The following CSMD1 variants were observed in gnomAD, a reference collection of about 807,000 sequenced individuals.
The protein encoded by CSMD1 is CUB and sushi domain-containing protein 1.
In CSMD1, 213 loss-of-function variants were observed where a neutral mutation model predicts 417.5. The observed-to-expected ratio is 0.51, with a 90% CI of 0.46 to 0.57. The LOEUF (loss-of-function observed/expected upper bound fraction) is 0.57. Among genes scored for constraint, CSMD1 ranks in the 20% least tolerant of loss-of-function variants. The probability of loss-of-function intolerance (pLI) is 0.00; values close to 1 mark genes in which losing one functional copy is unlikely to be tolerated. For synonymous variants in CSMD1, 2,862 were observed against 1,736.8 expected (o/e 1.65, Z -16.11); for missense variants, 6,923 against 4,529.7 (o/e 1.53, Z -15.17).
At chr8:4,980,645 G>T (rs1584948339) in intron 1 of CSMD1, among the ~76,000 whole-genome samples, 2 of 152,338 alleles carry the variant, frequency 1.3e-5, no homozygotes, top group Middle Eastern at 3.4e-3. Context: ...GCTCACGCCT[G>T]TAATCCTAGC....
chr8:3,054,655 A>T (rs939962211), intron 49 of CSMD1, among the ~76,000 whole-genome samples: 3 of 152,110 alleles, frequency 2.0e-5, no homozygotes, highest in African/African-American at 7.2e-5. Flanking sequence ...GTGTGTGTGC[A>T]CATGCATATT....
At chr8:4,319,971 G>C (rs34470235) in intron 3 of CSMD1, among the ~76,000 whole-genome samples, 3 of 152,006 alleles carry the variant, frequency 2.0e-5, no homozygotes, top group East Asian at 1.9e-4. Flanking sequence ...TTTACAGGCA[G>C]AGTGGAAAAA....
intron 1 of CSMD1, among the ~76,000 whole-genome samples, chr8:4,696,689 T>C (rs74837617): frequency 0.015 from 2,229 of 152,300 alleles, 60 homozygotes; most frequent in East Asian, 0.13. Context: ...AGAGAAGGTA[T>C]GACCCATGAA....
At chr8:3,542,148 G>T (rs2116712942) in intron 10 of CSMD1, among the ~76,000 whole-genome samples, 1 of 152,192 alleles carries the variant, frequency 6.6e-6, no homozygotes, top group African/African-American at 2.4e-5. Context: ...TCCCTTTAAA[G>T]TTACATTATT....
At chr8:3,877,926 C>T (rs933099020) in intron 5 of CSMD1, among the ~76,000 whole-genome samples, 1 of 151,532 alleles carries the variant, frequency 6.6e-6, no homozygotes, top group Non-Finnish European at 1.5e-5. Context: ...AGGTCGTGGC[C>T]ATGACCTAAA....
chr8:2,960,552 A>G (rs549667296), intron 62 of CSMD1, among the ~76,000 whole-genome samples: 1 of 152,348 alleles, frequency 6.6e-6, no homozygotes, highest in Admixed American at 6.5e-5. Context: ...GTATTTCTCC[A>G]ACGTTCACTG....
At chr8:3,233,360 G>T (rs932866336) in intron 26 of CSMD1, among the ~76,000 whole-genome samples, 1 of 152,216 alleles carries the variant, frequency 6.6e-6, no homozygotes, top group Admixed American at 6.5e-5. Flanking sequence ...GCCTGCACAC[G>T]TTAGGACTCC....
intron 1 of CSMD1, among the ~76,000 whole-genome samples, chr8:4,693,979 T>C (rs941038251): frequency 6.6e-6 from 1 of 152,212 alleles, no homozygotes; most frequent in Non-Finnish European, 1.5e-5. Flanking sequence ...AGGGAGACTC[T>C]GTGAAGGAAA....
At chr8:3,839,303 TATATACTATTAA>T (rs1563132977) in intron 5 of CSMD1, among the ~76,000 whole-genome samples, 1 of 123,964 alleles carries the variant, frequency 8.1e-6, no homozygotes, top group African/African-American at 3.0e-5. Flanking sequence ...TATACTATTA[TATATACTATTAA>T]TATATATTAA....
At chr8:3,738,386 C>A (rs1029372753) in intron 6 of CSMD1, among the ~76,000 whole-genome samples, 2 of 152,210 alleles carry the variant, frequency 1.3e-5, no homozygotes, top group African/African-American at 4.8e-5. Flanking sequence ...ATTGTACATT[C>A]TTCTCATAAA....
rs1239059492 is a variant in CSMD1 at position 3,889,488 on chromosome 8, T to A, written c.818+108415A>T. ...ATATATATATATATATATATATATA[T>A]ATATAAAATATGCTCATTAGGTCAT... On this transcript the variant is annotated intron_variant, in intron 5 of 69. Coordinates refer to ENST00000635120, the MANE Select transcript of CSMD1 (RefSeq NM_033225.6). Among the ~76,000 whole-genome samples the A allele has an allele frequency of 4.7e-5, 5 of 105,446 alleles. 1 individual carries two copies. Among genetic ancestry groups the A allele is most frequent in the African/African-American group, 1.2e-4 (3 of 24,726 alleles). The allele number at this position is 105,446 out of a possible 152,430, so 69.2% of individuals were successfully genotyped here.
intron 1 of CSMD1, among the ~76,000 whole-genome samples, chr8:4,640,862 T>C (rs1277196513): frequency 7.7e-6 from 1 of 129,702 alleles, no homozygotes; most frequent in Non-Finnish European, 1.7e-5. Flanking sequence ...TAATTATTGC[T>C]AAAAAAAAAA....
intron 23 of CSMD1, among the ~76,000 whole-genome samples, chr8:3,331,873 G>C (rs1022890191): frequency 2.6e-5 from 4 of 152,188 alleles, no homozygotes; most frequent in African/African-American, 4.8e-5. Flanking sequence ...GCCTATGTAA[G>C]AGTAGAGTGT....
chr8:4,426,340 G>A (rs538316446), intron 2 of CSMD1, among the ~76,000 whole-genome samples: 2 of 150,284 alleles, frequency 1.3e-5, no homozygotes, highest in African/African-American at 4.9e-5. Flanking sequence ...GTAGTATATA[G>A]CATATAATTT....
chr8:3,823,620 C>T (rs1585049532), intron 5 of CSMD1, among the ~76,000 whole-genome samples: 1 of 152,110 alleles, frequency 6.6e-6, no homozygotes, highest in Non-Finnish European at 1.5e-5. Context: ...AATCAAATAA[C>T]ATTTTTATAA....
intron 7 of CSMD1, among the ~76,000 whole-genome samples, chr8:3,651,506 T>C (rs772063467): frequency 8.5e-5 from 13 of 152,152 alleles, no homozygotes; most frequent in Non-Finnish European, 1.6e-4. Flanking sequence ...TCTGCATAGC[T>C]GGCCTCGGTT....
At chr8:3,479,780 A>T (rs184895194) in intron 11 of CSMD1, among the ~76,000 whole-genome samples, 62 of 152,326 alleles carry the variant, frequency 4.1e-4, no homozygotes, top group African/African-American at 1.1e-3. Flanking sequence ...CAACCCCAAC[A>T]GAAATGAATC....
intron 1 of CSMD1, among the ~76,000 whole-genome samples, chr8:4,686,870 G>A (rs1410567623): frequency 6.6e-6 from 1 of 152,194 alleles, no homozygotes; most frequent in African/African-American, 2.4e-5. Flanking sequence ...CAAACCCTGA[G>A]CAGGCGATGG....
At chr8:4,512,489 T>C (rs920442560) in intron 2 of CSMD1, among the ~76,000 whole-genome samples, 2 of 152,160 alleles carry the variant, frequency 1.3e-5, no homozygotes, top group African/African-American at 4.8e-5. Flanking sequence ...ATAAAAGTTG[T>C]TTATTCCCTG....
Sources: gnomAD v4.1 joint callset for allele counts (sites outside exome capture counted in the v4.1 genomes callset) on GRCh38, gnomAD v4.1.1 for gene constraint, MANE v1.5 for transcripts, NCBI Gene and HGNC (gene_info 2026-07-23, HGNC 2026-07-21) for gene names.